MYO16: variants seen among roughly 807,000 people sequenced by gnomAD.
The protein encoded by MYO16 is unconventional myosin-XVI.
In MYO16, 94 loss-of-function variants were observed where a neutral mutation model predicts 205.3. That is an observed-to-expected ratio of 0.46 (90% CI 0.39 to 0.54). The LOEUF (loss-of-function observed/expected upper bound fraction) is 0.54. MYO16 is among the 20% of genes least tolerant of loss of function. The pLI, the probability that MYO16 is intolerant of heterozygous loss-of-function variation, is 0.00. For synonymous variants in MYO16, 988 were observed against 954.0 expected (o/e 1.04, Z -0.66); for missense variants, 2,315 against 2,387.5 (o/e 0.97, Z 0.63).
At chr13:108,592,183 GTAT>G, upstream of MYO16, among the ~76,000 whole-genome samples, 1 of 74,486 alleles carries the variant, frequency 1.3e-5, no homozygotes, top group Non-Finnish European at 2.6e-5. Flanking sequence ...GGTGTGTGGG[GTAT>G]GGAGGGGTGT....
At chr13:108,818,111 C>T (rs1445028129) in intron 7 of MYO16, among the ~76,000 whole-genome samples, 1 of 152,016 alleles carries the variant, frequency 6.6e-6, no homozygotes, top group Non-Finnish European at 1.5e-5. Context: ...AGGCCAGGCT[C>T]GGTGGCTCAC....
At chr13:108,520,918 G>A in the MYO16 span, among the ~76,000 whole-genome samples, 2 of 152,152 alleles carry the variant, frequency 1.3e-5, no homozygotes, top group African/African-American at 4.8e-5. Context: ...CCTCAAATGA[G>A]TCTGTGCAAT....
the MYO16 span, among the ~76,000 whole-genome samples, chr13:108,569,322 T>C: frequency 3.9e-5 from 6 of 152,170 alleles, no homozygotes; most frequent in African/African-American, 7.2e-5. Flanking sequence ...TACTTTGATA[T>C]TGAATTTCTT....
chr13:108,612,018 C>T (rs953221765), intron 1 of MYO16, among the ~76,000 whole-genome samples: 1 of 144,636 alleles, frequency 6.9e-6, no homozygotes, highest in African/African-American at 2.6e-5. Flanking sequence ...CTCTGTCGCC[C>T]AGGCTGGAAG....
chr13:108,885,299 A>G (rs1451902395), intron 13 of MYO16, among the ~76,000 whole-genome samples: 1 of 152,138 alleles, frequency 6.6e-6, no homozygotes, highest in African/African-American at 2.4e-5. Flanking sequence ...TTGTATTTTT[A>G]GTAGAGTCGG....
At chr13:109,190,047 A>T (rs1006463959) in intron 34 of MYO16, among the ~76,000 whole-genome samples, 2 of 152,166 alleles carry the variant, frequency 1.3e-5, no homozygotes, top group Admixed American at 1.3e-4. Context: ...TATCCCACGT[A>T]AAGTTTTAAT....
At chr13:109,192,827 C>A (rs985172593) in intron 34 of MYO16, among the ~76,000 whole-genome samples, 1 of 152,214 alleles carries the variant, frequency 6.6e-6, no homozygotes, top group Non-Finnish European at 1.5e-5. Context: ...TGCAAAGCCA[C>A]TGATATTTAT....
Position 109,036,843 on chromosome 13 carries a change from G to C in MYO16, c.2797-10073G>C, listed in dbSNP as rs114370910. ...ATGTAAAGAGAGTGGGGAAAAGGAA[G>C]GCATAAACCCAGCCTCTATCTTTGG... is the stretch of plus-strand genomic sequence containing the variant. On this transcript the variant is annotated intron_variant, in intron 23 of 34. Coordinates refer to ENST00000457511, the MANE Select transcript of MYO16 (RefSeq NM_001198950.3). Among the ~76,000 whole-genome samples the C allele has an allele frequency of 6.7e-3, 1,019 of 152,260 alleles. 21 individuals carry two copies. The highest frequency in any genetic ancestry group is 0.023 in the African/African-American group (948 of 41,540).
chr13:109,101,421 G>A (rs1338255055), intron 28 of MYO16: 1 of 152,898 alleles, frequency 6.5e-6, no homozygotes, highest in Admixed American at 6.5e-5. Flanking sequence ...CTTCATAATT[G>A]GAAACACTTT....
intron 1 of MYO16, among the ~76,000 whole-genome samples, chr13:108,634,628 A>G (rs1423849641): frequency 6.6e-6 from 1 of 151,632 alleles, no homozygotes; most frequent in East Asian, 1.9e-4. Context: ...TTCCTTTACC[A>G]CTCAGTGGAA....
At chr13:109,142,905 C>T (rs1031575096) in intron 32 of MYO16, among the ~76,000 whole-genome samples, 2 of 152,114 alleles carry the variant, frequency 1.3e-5, no homozygotes, top group African/African-American at 2.4e-5. Context: ...TTCATTCTTT[C>T]GTTGCTTCAT....
At position 108,992,414 on chromosome 13, in the gene MYO16, G is replaced by A; in HGVS notation, c.2408G>A (p.Gly803Asp). 1 of 1,606,054 alleles carries A rather than the reference G, an allele frequency of 6.2e-7. No individual in the cohort carries two copies. The highest frequency in any genetic ancestry group is 8.5e-7 in the Non-Finnish European group (1 of 1,173,482). ...GATATTGGAATATTGGACATTTTTG[G>A]TTTTGAAGAGTTTCAAAAGAATGAA... ...TLDIGILDIFGFEEFQKNEFE... is the reference protein window; with the variant it reads ...TLDIGILDIFDFEEFQKNEFE... The change falls in exon 21 of 35, where the codon GGT (glycine) becomes GAT (aspartate). Residue 803 changes from glycine to aspartate, a missense_variant. By Grantham distance (94) the Gly-to-Asp change is moderately conservative (BLOSUM62 -1). Around this residue, in one of 3 missense-constraint regions of MYO16, gnomAD observed 1,213 missense variants for 1,274.4 expected, o/e 0.95. Coordinates refer to ENST00000457511, the MANE Select transcript of MYO16 (RefSeq NM_001198950.3).
chr13:108,825,315 G>T (rs1440865516), intron 9 of MYO16, among the ~76,000 whole-genome samples: 3 of 151,824 alleles, frequency 2.0e-5, no homozygotes, highest in African/African-American at 7.3e-5. Flanking sequence ...AATATATGCA[G>T]AAAAAGCATT....
intron 28 of MYO16, among the ~76,000 whole-genome samples, chr13:109,108,954 C>T (rs1470487731): frequency 6.6e-6 from 1 of 152,118 alleles, no homozygotes; most frequent in Non-Finnish European, 1.5e-5. Flanking sequence ...TGCTACAAAG[C>T]CATGTTTCTC....
Position 109,141,104 on chromosome 13 carries a change from C to G in MYO16, c.4892C>G (p.Pro1631Arg), listed in dbSNP as rs778460579. The G allele has an allele frequency of 1.3e-6, 2 of 1,526,144 alleles. No individual in the cohort carries two copies. The highest frequency in any genetic ancestry group is 2.5e-5 in the South Asian group (2 of 78,494). The allele number at this position is 1,526,144 out of a possible 1,614,324, so 94.5% of individuals were successfully genotyped here. A position where few individuals can be genotyped will look rare whatever the true frequency, so the allele number is the denominator to read the frequency against. ...PAPVNAGKAG[P>R]SAEAPKVHPK... ...CCGGTGAACGCGGGGAAAGCGGGGC[C>G]GAGCGCAGAGGCGCCCAAGGTTCAC... Residue 1631 changes from proline (P) to arginine (R), a missense_variant, in exon 32 of 35, where the codon CCG becomes CGG. Transcript: ENST00000457511. The surrounding 1 kb of genome is among the most constrained non-coding windows in gnomAD (Gnocchi z 4.1).
chr13:108,676,403 G>GTGTGAGTGTGTGTT (rs143639000), intron 2 of MYO16, among the ~76,000 whole-genome samples: 1 of 148,224 alleles, frequency 6.7e-6, no homozygotes, highest in African/African-American at 2.5e-5. Flanking sequence ...GTGTGTGTGT[G>GTGTGAGTGTGTGTT]TGTGCCAGCC....
chr13:109,172,764 T>C (rs1392253325), intron 33 of MYO16, among the ~76,000 whole-genome samples: 1 of 152,202 alleles, frequency 6.6e-6, no homozygotes, highest in African/African-American at 2.4e-5. Context: ...TCATAAAATA[T>C]TATGTGTTTT....
chr13:108,718,371 ACT>A (rs1399723227), intron 3 of MYO16, among the ~76,000 whole-genome samples: 1 of 151,982 alleles, frequency 6.6e-6, no homozygotes, highest in African/African-American at 2.4e-5. Context: ...ACAAGGGCAG[ACT>A]CTAGCAAGAA....
the MYO16 span, among the ~76,000 whole-genome samples, chr13:108,563,595 G>C: frequency 6.6e-6 from 1 of 152,110 alleles, no homozygotes; most frequent in South Asian, 2.1e-4. Flanking sequence ...TTTGATGCTT[G>C]TCTGTCTGTA....
Sources: allele counts gnomAD v4.1 joint callset (sites outside exome capture counted in the v4.1 genomes callset), GRCh38; gene constraint gnomAD v4.1.1; regional missense constraint gnomAD v4.1.1; non-coding constraint Gnocchi (gnomAD v3.1); transcripts MANE v1.5; gene names NCBI Gene and HGNC (gene_info 2026-07-23, HGNC 2026-07-21).